Variants in TUBA1C observed in about 807,000 individuals in gnomAD.
TUBA1C encodes tubulin alpha-1C chain.
Under a neutral mutation model 34.9 loss-of-function variants are expected in TUBA1C, and 16 were observed. The ratio of observed to expected loss-of-function variants is 0.46; its 90% CI spans 0.31 to 0.70. TUBA1C has a LOEUF of 0.70. Among genes scored for constraint, TUBA1C ranks in the 30% least tolerant of loss-of-function variants. TUBA1C has a pLI of 0.05. For synonymous variants in TUBA1C, 177 were observed against 215.9 expected (o/e 0.82, Z 1.58); for missense variants, 329 against 587.3 (o/e 0.56, Z 4.55).
At chr12:49,241,545 T>G (rs919686277) in intron 1 of TUBA1C, among the ~76,000 whole-genome samples, 7 of 152,296 alleles carry the variant, frequency 4.6e-5, no homozygotes, top group African/African-American at 1.7e-4. Flanking sequence ...TCATCAGAAC[T>G]TGAAATAGTT....
upstream of TUBA1C, among the ~76,000 whole-genome samples, chr12:49,260,886 T>C (rs1024826774): frequency 1.3e-5 from 2 of 152,006 alleles, no homozygotes; most frequent in Non-Finnish European, 2.9e-5. Context: ...CACACCACCA[T>C]GTCCAGCTAA....
At chr12:49,242,907 T>C (rs115515940) in intron 1 of TUBA1C, among the ~76,000 whole-genome samples, 2,301 of 151,548 alleles carry the variant, frequency 0.015, 54 homozygotes, top group African/African-American at 0.053. Context: ...AGGCTCAAGC[T>C]GATCCTCCCA....
At chr12:49,266,465 T>A (rs1942914141) in intron 1 of TUBA1C, among the ~76,000 whole-genome samples, 1 of 151,786 alleles carries the variant, frequency 6.6e-6, no homozygotes, top group African/African-American at 2.4e-5. Flanking sequence ...CAGAGTAAAC[T>A]AGTACCACGT....
chr12:49,272,225 A>G (rs1486721361), intron 3 of TUBA1C, 28 bp from the exon 4 acceptor site: 1 of 1,573,550 alleles, frequency 6.4e-7, no homozygotes, highest in South Asian at 1.2e-5. Flanking sequence ...CTTTCGCAAC[A>G]CTAAAATGAA....
chr12:49,244,886 C>G (rs1321988778), intron 1 of TUBA1C, among the ~76,000 whole-genome samples: 1 of 152,094 alleles, frequency 6.6e-6, no homozygotes, highest in Non-Finnish European at 1.5e-5. Flanking sequence ...CTCCCAGATG[C>G]TTGCTCAGAC....
At chr12:49,241,976 G>C (rs1335480945) in intron 1 of TUBA1C, among the ~76,000 whole-genome samples, 1 of 149,084 alleles carries the variant, frequency 6.7e-6, no homozygotes, top group African/African-American at 2.5e-5. Context: ...TCAAAACTTA[G>C]AGCCTTCTTT....
chr12:49,265,072 C>T, upstream of TUBA1C: 8 of 1,393,770 alleles, frequency 5.7e-6, no homozygotes, highest in Non-Finnish European at 6.6e-6. Flanking sequence ...TCGGGGCCGG[C>T]CACCCTTTCA....
chr12:49,229,521 C>T (rs1942473184), intron 1 of TUBA1C, among the ~76,000 whole-genome samples: 1 of 152,136 alleles, frequency 6.6e-6, no homozygotes, highest in African/African-American at 2.4e-5. Context: ...TCTTTCTTTA[C>T]ATACCCCTTA....
intron 1 of TUBA1C, 141 bp downstream of exon 1, chr12:49,265,325 G>A: frequency 7.0e-6 from 4 of 571,870 alleles, no homozygotes; most frequent in Non-Finnish European, 1.1e-5. Flanking sequence ...GGCTTGTGGC[G>A]GCCGGGCTGG....
chr12:49,259,194 C>A (rs1372314137), intron 1 of TUBA1C, among the ~76,000 whole-genome samples: 1 of 151,906 alleles, frequency 6.6e-6, no homozygotes, highest in African/African-American at 2.4e-5. Flanking sequence ...TCTTTTATAC[C>A]ATATTTTTAC....
chr12:49,248,134 G>T (rs770931347), intron 1 of TUBA1C, among the ~76,000 whole-genome samples: 1 of 151,526 alleles, frequency 6.6e-6, no homozygotes, highest in Non-Finnish European at 1.5e-5. Flanking sequence ...AATTAGCCAG[G>T]CGTGGTGGCA....
chr12:49,268,176 G>A (rs1043390624), intron 1 of TUBA1C, among the ~76,000 whole-genome samples: 5 of 152,082 alleles, frequency 3.3e-5, no homozygotes, highest in African/African-American at 1.2e-4. Flanking sequence ...CTCTGCAACC[G>A]CCACCTCCTG....
At chr12:49,233,366 C>G (rs535642333) in intron 1 of TUBA1C, 8 of 152,354 alleles carry the variant, frequency 5.3e-5, no homozygotes, top group Non-Finnish European at 1.2e-4. Flanking sequence ...GGATCCGGGC[C>G]CTGATTCACT....
chr12:49,239,924 G>A (rs779734130), intron 1 of TUBA1C, among the ~76,000 whole-genome samples: 4 of 151,970 alleles, frequency 2.6e-5, no homozygotes, highest in Admixed American at 6.6e-5. Flanking sequence ...TAGAGCAGTG[G>A]GATATTCCAC....
intron 1 of TUBA1C, among the ~76,000 whole-genome samples, chr12:49,250,307 G>A (rs563394966): frequency 7.9e-5 from 12 of 151,704 alleles, no homozygotes; most frequent in Non-Finnish European, 1.8e-4. Flanking sequence ...GGCGGATCAC[G>A]AGGTCAGGAA....
chr12:49,235,784 C>G (rs1942549221), intron 1 of TUBA1C, among the ~76,000 whole-genome samples: 2 of 150,816 alleles, frequency 1.3e-5, no homozygotes, highest in South Asian at 4.3e-4. Flanking sequence ...AAAAAGAGAC[C>G]AGGCTGACTC....
chr12:49,246,261 G>C (rs925672108), intron 1 of TUBA1C, among the ~76,000 whole-genome samples: 8 of 146,970 alleles, frequency 5.4e-5, no homozygotes, highest in African/African-American at 2.0e-4. Context: ...GATTACAGGC[G>C]TGAGCCACTG....
intron 1 of TUBA1C, among the ~76,000 whole-genome samples, chr12:49,268,781 G>A (rs1942949573): frequency 6.6e-6 from 1 of 152,268 alleles, no homozygotes; most frequent in Non-Finnish European, 1.5e-5. Context: ...TTTTAAAGGA[G>A]GGAGAGAGAA....
intron 1 of TUBA1C, among the ~76,000 whole-genome samples, chr12:49,245,474 T>C (rs753582094): frequency 1.1e-4 from 16 of 152,162 alleles, no homozygotes; most frequent in Non-Finnish European, 1.9e-4. Context: ...CAGGTAGTGG[T>C]GGCACATGCC....
Sources: gnomAD v4.1 joint callset for allele counts (sites outside exome capture counted in the v4.1 genomes callset) on GRCh38, gnomAD v4.1.1 for gene constraint, MANE v1.5 for transcripts, NCBI Gene and HGNC (gene_info 2026-07-23, HGNC 2026-07-21) for gene names.